Variants in DNMT3A observed in about 807,000 individuals in gnomAD.
DNMT3A encodes DNA (cytosine-5)-methyltransferase 3A.
In DNMT3A, 267 loss-of-function variants were observed where a neutral mutation model predicts 117.6. The ratio of observed to expected loss-of-function variants is 2.27; its 90% CI spans 2.05 to 2.51. The LOEUF (loss-of-function observed/expected upper bound fraction) is 2.51, where lower values mean the gene tolerates loss of function less well. DNMT3A is among the 30% of genes most tolerant of loss of function. The pLI is 0.00. For synonymous variants in DNMT3A, 432 were observed against 474.8 expected (o/e 0.91, Z 1.17); for missense variants, 1,029 against 1,260.2 (o/e 0.82, Z 2.78).
At chr2:25,278,697 G>A (rs990627549) in intron 4 of DNMT3A, among the ~76,000 whole-genome samples, 3 of 152,176 alleles carry the variant, frequency 2.0e-5, no homozygotes, top group African/African-American at 7.2e-5. Flanking sequence ...ATGGTGGCTG[G>A]CGCCTGTAAT....
At chr2:25,263,753 A>C (rs988353944) in intron 6 of DNMT3A, among the ~76,000 whole-genome samples, 2 of 152,140 alleles carry the variant, frequency 1.3e-5, no homozygotes, top group Non-Finnish European at 2.9e-5. Flanking sequence ...CTCCTAGAGG[A>C]TTTCTTTGAC....
chr2:25,276,366 T>A (rs1393380825), intron 4 of DNMT3A, among the ~76,000 whole-genome samples: 1 of 151,392 alleles, frequency 6.6e-6, no homozygotes, highest in Non-Finnish European at 1.5e-5. Flanking sequence ...TAGGTTATGG[T>A]GAGCATTAAG....
chr2:25,341,631 C>T (rs569141853), intron 1 of DNMT3A, among the ~76,000 whole-genome samples, 195 bp downstream of exon 1: 54 of 146,958 alleles, frequency 3.7e-4, no homozygotes, highest in South Asian at 1.7e-3. Flanking sequence ...TCAAATCCCC[C>T]GCGCCGCCCC....
chr2:25,314,522 C>T (rs1165945597), intron 1 of DNMT3A: 1 of 985,152 alleles, frequency 1.0e-6, no homozygotes, highest in Non-Finnish European at 1.2e-6. Flanking sequence ...CTGGGAAATC[C>T]CAGCCTCCCC....
rs1009508234 is a variant in DNMT3A, at chr2:25,233,455, T to TTA, written c.*822_*823dup. The TTA allele has an allele frequency of 4.3e-5, 10 of 233,352 alleles. No homozygotes were observed. The highest frequency in any genetic ancestry group is 5.6e-5 in the Admixed American group (1 of 17,756). The allele number at this position is 233,352 out of a possible 1,614,324, so 14.5% of individuals were successfully genotyped here. A position where few individuals can be genotyped will look rare whatever the true frequency, so the allele number is the denominator to read the frequency against. ...GTTGTACAGTAGTTAACAGTACCTTTTATATATATATCTCATATCTATCAT... is the reference window on the plus strand; with the variant it reads ...GTTGTACAGTAGTTAACAGTACCTTTTATATATATATATCTCATATCTATCAT... On this transcript the variant is annotated 3_prime_UTR_variant, in exon 23 of 23. Coordinates refer to ENST00000321117, the MANE Select transcript of DNMT3A (RefSeq NM_022552.5).
chr2:25,250,442 G>A (rs13427672), intron 6 of DNMT3A, among the ~76,000 whole-genome samples: 66,018 of 152,006 alleles, frequency 0.43, 14,669 homozygotes, highest in Admixed American at 0.55. Flanking sequence ...CATGGATGGC[G>A]GAATGAGCTC....
chr2:25,238,533 T>C (rs188109469), intron 20 of DNMT3A, among the ~76,000 whole-genome samples: 2 of 152,326 alleles, frequency 1.3e-5, no homozygotes, highest in East Asian at 3.9e-4. Flanking sequence ...TTATTTCGCC[T>C]AAAAAGCCTT....
rs1457517328 is a variant in DNMT3A, at chr2:25,257,454, C to G, written c.640-9202G>C. 6.6e-6 allele frequency among the ~76,000 whole-genome samples: 1 copy of G among 152,142 alleles called. No individual in the cohort carries two copies. Among genetic ancestry groups the G allele is most frequent in the Non-Finnish European group, 1.5e-5 (1 of 68,014 alleles). On this transcript the variant is annotated intron_variant, in intron 6 of 22. Transcript: ENST00000321117. The surrounding 1 kb of genome is among the most constrained non-coding windows in gnomAD (Gnocchi z 4.8). Reference sequence around the variant, plus strand: ...TTGGAGCTTGTTGTTATGGCAACATCCCCCCTTCCTGTCATTCTCTCTCTC... The same window carrying G: ...TTGGAGCTTGTTGTTATGGCAACATGCCCCCTTCCTGTCATTCTCTCTCTC...
chr2:25,336,514 T>C (rs1474522006), intron 1 of DNMT3A, among the ~76,000 whole-genome samples: 1 of 152,054 alleles, frequency 6.6e-6, no homozygotes, highest in African/African-American at 2.4e-5. Flanking sequence ...GTCAGTGTAA[T>C]TTAAACCCTG....
At position 25,296,586 on chromosome 2, in the gene DNMT3A, TA is replaced by T. The variant is rs2033102579; in HGVS notation, c.177+3552del. Reference sequence around the variant, plus strand: ...CTCTCTCCAGCACACTTGACTGAAATAGAAGGCATCTTCCTCTGGTGGCTTC... The same window carrying T: ...CTCTCTCCAGCACACTTGACTGAAATGAAGGCATCTTCCTCTGGTGGCTTC... On this transcript the variant is annotated intron_variant, in intron 3 of 22. Transcript: ENST00000321117. The surrounding 1 kb of genome is among the most constrained non-coding windows in gnomAD (Gnocchi z 4.2). Among the ~76,000 whole-genome samples, 1 of 152,184 alleles carries T rather than the reference TA, an allele frequency of 6.6e-6. No individual in the cohort carries two copies.
intron 1 of DNMT3A, among the ~76,000 whole-genome samples, chr2:25,326,798 GC>G (rs2034805821): frequency 6.6e-6 from 1 of 152,182 alleles, no homozygotes; most frequent in African/African-American, 2.4e-5. Flanking sequence ...GGAGTGCCAG[GC>G]TGTTGCAATG....
chr2:25,299,172 C>T (rs1466079216), intron 3 of DNMT3A, among the ~76,000 whole-genome samples: 1 of 152,222 alleles, frequency 6.6e-6, no homozygotes, highest in Non-Finnish European at 1.5e-5. Flanking sequence ...ATAATGACTG[C>T]TCCACATCTG....
chr2:25,333,475 G>A (rs1489906943), intron 1 of DNMT3A, among the ~76,000 whole-genome samples: 1 of 151,958 alleles, frequency 6.6e-6, no homozygotes, highest in African/African-American at 2.4e-5. Context: ...GATTACAGGC[G>A]TGCACCATCA....
At chr2:25,307,005 TA>T (rs1327003568) in intron 2 of DNMT3A, among the ~76,000 whole-genome samples, 1 of 137,464 alleles carries the variant, frequency 7.3e-6, no homozygotes, top group Non-Finnish European at 1.6e-5. Flanking sequence ...AACTACTTTG[TA>T]GCCGTGTGGC....
At chr2:25,301,458 G>A (rs2033510984) in intron 2 of DNMT3A, among the ~76,000 whole-genome samples, 1 of 152,084 alleles carries the variant, frequency 6.6e-6, no homozygotes, top group South Asian at 2.1e-4. Flanking sequence ...CCGAATCTCA[G>A]CTCCTCTCCA....
In DNMT3A at chr2:25,241,704, A is replaced by T. The variant is rs781742148; in HGVS notation, c.1940T>A (p.Leu647His). 2 of 1,613,636 alleles carry T rather than the reference A, an allele frequency of 1.2e-6. No homozygotes were observed. The highest frequency in any genetic ancestry group is 1.7e-6 in the Non-Finnish European group (2 of 1,179,830). The change falls in exon 17 of 23, where the codon CTC becomes CAC. Residue 647 changes from leucine (L) to histidine (H), a missense_variant. Coordinates refer to ENST00000321117, the MANE Select transcript of DNMT3A (RefSeq NM_022552.5). ...AATGCCCAAGTCCTTCAGCACCAGG[A>T]GCCCTGCACCAGCCAGCAGACAGCA... Reference protein sequence around the residue: ...LSLFDGIATGLLVLKDLGIQV... With the variant: ...LSLFDGIATGHLVLKDLGIQV...
intron 4 of DNMT3A, among the ~76,000 whole-genome samples, chr2:25,277,826 C>T (rs537406135): frequency 6.6e-6 from 1 of 151,938 alleles, no homozygotes; most frequent in Non-Finnish European, 1.5e-5. Context: ...TCCTGATGCC[C>T]CGGCAAGCTC....
chr2:25,267,919 T>A (rs1459079163), intron 6 of DNMT3A, among the ~76,000 whole-genome samples: 1 of 152,294 alleles, frequency 6.6e-6, no homozygotes, highest in East Asian at 1.9e-4. Flanking sequence ...GCCAAGTCCA[T>A]CCACAGAGGA....
rs552960170 is a variant in DNMT3A, at chr2:25,296,306, G to C, written c.177+3833C>G. ...TAGGTTCTACCGGGCTGTGGTGCTG[G>C]GGCAGGCGGAGAGAAGGCAGGCTGT... On this transcript the variant is annotated intron_variant, in intron 3 of 22. Transcript: ENST00000321117. This position sits in a 1 kb window ranked among gnomAD's most constrained non-coding sequence, Gnocchi z 4.2. 2.6e-5 allele frequency among the ~76,000 whole-genome samples: 4 copies of C among 152,302 alleles called. No homozygotes were observed. The highest frequency in any genetic ancestry group is 9.6e-5 in the African/African-American group (4 of 41,554).
Sources: gnomAD v4.1 joint callset for allele counts (sites outside exome capture counted in the v4.1 genomes callset) on GRCh38, gnomAD v4.1.1 for gene constraint, Gnocchi (gnomAD v3.1) non-coding constraint, MANE v1.5 for transcripts, NCBI Gene and HGNC (gene_info 2026-07-23, HGNC 2026-07-21) for gene names.